Variants in ZBTB20 observed in about 807,000 individuals in gnomAD.
ZBTB20 encodes the protein zinc finger and BTB domain containing 20.
Under a neutral mutation model 56.9 loss-of-function variants are expected in ZBTB20, and 9 were observed. The ratio of observed to expected loss-of-function variants is 0.16; its 90% CI spans 0.10 to 0.28. The LOEUF is 0.28. ZBTB20 is among the 10% of genes least tolerant of loss of function. The pLI is 1.00. For missense variants in ZBTB20, 655 were observed against 1,003.0 expected, an observed-to-expected ratio of 0.65 and a Z score of 4.69; for synonymous variants, 417 against 420.7, an observed-to-expected ratio of 0.99 and a Z score of 0.11.
At chr3:114,378,089 T>A (rs927199714) in intron 10 of ZBTB20, among the ~76,000 whole-genome samples, 1 of 151,840 alleles carries the variant, frequency 6.6e-6, no homozygotes, top group African/African-American at 2.4e-5. Context: ...AAGAATGACA[T>A]TTGAAAGTAA....
At chr3:114,926,821 T>C (rs1322768095) in intron 3 of ZBTB20, among the ~76,000 whole-genome samples, 1 of 152,196 alleles carries the variant, frequency 6.6e-6, no homozygotes, top group Non-Finnish European at 1.5e-5. Flanking sequence ...TGGAATGCAG[T>C]GACGTGATCA....
At chr3:114,548,715 C>T (rs1380294780) in intron 6 of ZBTB20, among the ~76,000 whole-genome samples, 3 of 151,908 alleles carry the variant, frequency 2.0e-5, no homozygotes, top group East Asian at 1.9e-4. Context: ...GACGGGGTTT[C>T]GCCATATTGG....
chr3:114,347,058 T>C (rs987596753), intron 11 of ZBTB20, among the ~76,000 whole-genome samples: 3 of 149,508 alleles, frequency 2.0e-5, no homozygotes, highest in Non-Finnish European at 4.4e-5. Flanking sequence ...ATATGAATCT[T>C]ATAATTTATT....
chr3:114,623,866 T>C (rs1235591420), intron 6 of ZBTB20, among the ~76,000 whole-genome samples: 1 of 151,658 alleles, frequency 6.6e-6, no homozygotes, highest in Non-Finnish European at 1.5e-5. Flanking sequence ...CTGACATCCA[T>C]CGGTGGCAGT....
At chr3:114,377,420 T>C (rs1231289194) in intron 10 of ZBTB20, among the ~76,000 whole-genome samples, 1 of 152,196 alleles carries the variant, frequency 6.6e-6, no homozygotes, top group Admixed American at 6.5e-5. Context: ...TTTTGCCGAA[T>C]TTGAAGAGGC....
intron 4 of ZBTB20, chr3:114,873,916 A>C (rs2076100995): frequency 6.6e-6 from 1 of 152,182 alleles, no homozygotes; most frequent in Non-Finnish European, 1.5e-5. Context: ...TTCCAGGTTA[A>C]AGAAATTATG....
chr3:114,848,716 C>T (rs2074844348), intron 4 of ZBTB20, among the ~76,000 whole-genome samples: 1 of 152,176 alleles, frequency 6.6e-6, no homozygotes, highest in Admixed American at 6.5e-5. Flanking sequence ...GTCAATCACC[C>T]ATCTACTAAT....
intron 7 of ZBTB20, among the ~76,000 whole-genome samples, chr3:114,405,502 T>C (rs943033771): frequency 6.6e-6 from 1 of 152,120 alleles, no homozygotes; most frequent in Non-Finnish European, 1.5e-5. Context: ...ATGATATATC[T>C]TGAGAGTAAA....
chr3:115,101,097 C>A (rs901764019), intron 1 of ZBTB20, among the ~76,000 whole-genome samples: 4 of 152,234 alleles, frequency 2.6e-5, no homozygotes, highest in Non-Finnish European at 5.9e-5. Flanking sequence ...GCTGTACAAA[C>A]ATCACAATGC....
intron 7 of ZBTB20, among the ~76,000 whole-genome samples, chr3:114,427,048 A>G (rs1004177061): frequency 1.3e-5 from 2 of 152,176 alleles, no homozygotes; most frequent in African/African-American, 4.8e-5. Context: ...AGGTATCACT[A>G]AACACACACT....
chr3:114,717,391 A>G (rs1352697527), intron 5 of ZBTB20, among the ~76,000 whole-genome samples: 1 of 152,124 alleles, frequency 6.6e-6, no homozygotes, highest in African/African-American at 2.4e-5. Context: ...ACCAGTAGCT[A>G]GTAGAACTTT....
intron 5 of ZBTB20, among the ~76,000 whole-genome samples, chr3:114,733,230 C>T (rs2065886624): frequency 6.6e-6 from 1 of 152,174 alleles, no homozygotes. Flanking sequence ...TATTTGCTCT[C>T]ATTTCCTCAC....
chr3:114,443,543 G>A (rs531383724), intron 7 of ZBTB20, among the ~76,000 whole-genome samples: 1 of 152,034 alleles, frequency 6.6e-6, no homozygotes, highest in African/African-American at 2.4e-5. Context: ...ATCTTTGTAG[G>A]GAAATAATAG....
intron 6 of ZBTB20, chr3:114,518,641 G>A (rs1240300490): frequency 6.6e-6 from 1 of 152,232 alleles, no homozygotes; most frequent in South Asian, 2.1e-4. Context: ...TGGTATCCCT[G>A]GTAAGTAGAA....
chr3:114,347,071 C>T (rs2693037), intron 11 of ZBTB20, among the ~76,000 whole-genome samples: 2 of 110,934 alleles, frequency 1.8e-5, no homozygotes, highest in East Asian at 3.0e-4. Context: ...AATTTATTCT[C>T]TTCAGGTTTT....
chr3:114,402,072 A>G (rs2086869973), intron 7 of ZBTB20, among the ~76,000 whole-genome samples: 1 of 152,176 alleles, frequency 6.6e-6, no homozygotes, highest in Admixed American at 6.5e-5. Context: ...ACATCCTGCC[A>G]GTCATTTGGT....
intron 3 of ZBTB20, among the ~76,000 whole-genome samples, chr3:114,929,795 T>A (rs923343286): frequency 2.6e-5 from 4 of 152,258 alleles, no homozygotes; most frequent in Non-Finnish European, 5.9e-5. Flanking sequence ...ATAAGTGAAT[T>A]AATCTATCAT....
chr3:114,968,467 A>C (rs1196468752), intron 3 of ZBTB20, among the ~76,000 whole-genome samples: 1 of 152,220 alleles, frequency 6.6e-6, no homozygotes, highest in Non-Finnish European at 1.5e-5. Flanking sequence ...TGATGGAGGA[A>C]ATAGCCTTTT....
intron 1 of ZBTB20, among the ~76,000 whole-genome samples, chr3:115,097,978 A>G (rs2083440545): frequency 6.6e-6 from 1 of 152,250 alleles, no homozygotes. Context: ...AAGAAAACAT[A>G]TACACATTCT....
Sources: gnomAD v4.1 joint callset for allele counts (sites outside exome capture counted in the v4.1 genomes callset) on GRCh38, gnomAD v4.1.1 for gene constraint, MANE v1.5 for transcripts, NCBI Gene and HGNC (gene_info 2026-07-23, HGNC 2026-07-21) for gene names.